Variants in SND1 observed in about 807,000 individuals in gnomAD.
SND1 encodes the protein staphylococcal nuclease and tudor domain containing 1.
A neutral mutation model predicts 121.7 loss-of-function variants in SND1; 38 were observed. The ratio of observed to expected loss-of-function variants is 0.31; its 90% CI spans 0.24 to 0.41. The LOEUF (loss-of-function observed/expected upper bound fraction) is 0.41, where lower values mean the gene tolerates loss of function less well. Among genes scored for constraint, SND1 ranks in the 10% least tolerant of loss-of-function variants. The pLI, the probability that SND1 is intolerant of heterozygous loss-of-function variation, is 1.00. For missense variants in SND1, 868 were observed against 1,184.6 expected, an observed-to-expected ratio of 0.73 and a Z score of 3.92; for synonymous variants, 401 against 447.4, an observed-to-expected ratio of 0.90 and a Z score of 1.31.
intron 12 of SND1, among the ~76,000 whole-genome samples, chr7:127,877,901 T>C (rs956616590): frequency 6.6e-6 from 1 of 152,106 alleles, no homozygotes; most frequent in Non-Finnish European, 1.5e-5. Flanking sequence ...GGGTATGTGC[T>C]GTAGGGATTC....
At chr7:127,663,660 G>A (rs1037507207) in intron 1 of SND1, among the ~76,000 whole-genome samples, 8 of 152,344 alleles carry the variant, frequency 5.3e-5, no homozygotes, top group South Asian at 2.1e-4. Flanking sequence ...ACAGGCGTGA[G>A]CCACCACGCC....
chr7:128,048,269 T>C (rs1411702422), intron 16 of SND1, among the ~76,000 whole-genome samples: 2 of 151,766 alleles, frequency 1.3e-5, no homozygotes, highest in Non-Finnish European at 1.5e-5. Context: ...TTTTTTCTTT[T>C]TTTTTTTTTT....
chr7:127,705,456 T>C (rs1796171462), intron 8 of SND1, among the ~76,000 whole-genome samples: 1 of 152,248 alleles, frequency 6.6e-6, no homozygotes, highest in Non-Finnish European at 1.5e-5. Context: ...TGAGACGTTA[T>C]TGGTGTGTTT....
intron 10 of SND1, among the ~76,000 whole-genome samples, chr7:127,748,160 T>TG (rs1474223615): frequency 6.6e-6 from 1 of 152,242 alleles, no homozygotes; most frequent in African/African-American, 2.4e-5. Flanking sequence ...AATCATTCCA[T>TG]GTTGTCTCCA....
At chr7:127,780,989 A>G (rs1396835820) in intron 10 of SND1, among the ~76,000 whole-genome samples, 1 of 152,192 alleles carries the variant, frequency 6.6e-6, no homozygotes, top group Non-Finnish European at 1.5e-5. Flanking sequence ...ACACTGTAAT[A>G]TTGCCTAGTC....
In SND1 at chr7:127,850,293, C is replaced by CT. The variant is rs1007726960; in HGVS notation, c.1343+5870dup. 5.8e-4 allele frequency among the ~76,000 whole-genome samples: 88 copies of CT among 152,280 alleles called. 1 individual carries two copies. The highest frequency in any genetic ancestry group is 1.9e-3 in the African/African-American group (77 of 41,570). On this transcript the variant is annotated intron_variant, in intron 12 of 23. Coordinates refer to ENST00000354725, the MANE Select transcript of SND1 (RefSeq NM_014390.4). ...TTTCACTGTCAGCCAAACCTCCTAT[C>CT]TCTCAGAGTTTTCAATTCTTAAAAC... is the stretch of plus-strand genomic sequence containing the variant.
At chr7:127,729,439 CTTT>C (rs10712716) in intron 10 of SND1, among the ~76,000 whole-genome samples, 17 of 97,314 alleles carry the variant, frequency 1.7e-4, no homozygotes, top group Admixed American at 4.3e-4. Flanking sequence ...AGATAAATTA[CTTT>C]TTTTTTTTTT....
intron 15 of SND1, among the ~76,000 whole-genome samples, chr7:127,939,124 G>A (rs1393580339): frequency 1.3e-5 from 2 of 152,202 alleles, no homozygotes; most frequent in Non-Finnish European, 2.9e-5. Context: ...CAAAAAGGCT[G>A]TTTCAAAACT....
intron 14 of SND1, among the ~76,000 whole-genome samples, chr7:127,926,781 C>T (rs951780670): frequency 4.0e-5 from 6 of 149,562 alleles, no homozygotes; most frequent in South Asian, 2.1e-4. Context: ...TTAGTAGAGA[C>T]GGGGTTTCAC....
At chr7:127,925,485 A>ATTTG (rs1179456690) in intron 14 of SND1, among the ~76,000 whole-genome samples, 4 of 152,204 alleles carry the variant, frequency 2.6e-5, no homozygotes, top group Admixed American at 6.5e-5. Flanking sequence ...GCATATAGAT[A>ATTTG]CATAAGCAGA....
At chr7:127,855,323 G>T (rs1413824331) in intron 12 of SND1, among the ~76,000 whole-genome samples, 1 of 152,024 alleles carries the variant, frequency 6.6e-6, no homozygotes, top group Non-Finnish European at 1.5e-5. Context: ...TGTTGCTCAG[G>T]CTGGTCTCGA....
intron 11 of SND1, among the ~76,000 whole-genome samples, chr7:127,838,482 A>C (rs1334126213): frequency 6.6e-6 from 1 of 152,252 alleles, no homozygotes; most frequent in African/African-American, 2.4e-5. Context: ...GTAAGGCAAG[A>C]AGTATCCTGC....
chr7:127,870,576 G>C (rs1799566599), intron 12 of SND1, among the ~76,000 whole-genome samples: 1 of 152,056 alleles, frequency 6.6e-6, no homozygotes, highest in African/African-American at 2.4e-5. Flanking sequence ...GAATACTATA[G>C]GCAGTTATAT....
chr7:127,709,723 C>G (rs1292482938), intron 9 of SND1, among the ~76,000 whole-genome samples: 1 of 151,928 alleles, frequency 6.6e-6, no homozygotes, highest in Non-Finnish European at 1.5e-5. Context: ...ATTACAGTGC[C>G]AAAGTAGAGG....
intron 15 of SND1, among the ~76,000 whole-genome samples, chr7:127,980,091 TTTTA>T (rs1169431140): frequency 1.4e-5 from 2 of 140,870 alleles, no homozygotes; most frequent in Non-Finnish European, 3.0e-5. Flanking sequence ...CTTTATTTTA[TTTTA>T]TTTTATTCTT....
At chr7:127,939,581 C>T (rs1801145895) in intron 15 of SND1, among the ~76,000 whole-genome samples, 1 of 152,074 alleles carries the variant, frequency 6.6e-6, no homozygotes, top group African/African-American at 2.4e-5. Context: ...ATGCTGGTGA[C>T]CTGGAGGTGA....
chr7:127,691,306 G>T (rs1207875839), intron 2 of SND1, among the ~76,000 whole-genome samples: 1 of 152,122 alleles, frequency 6.6e-6, no homozygotes, highest in Non-Finnish European at 1.5e-5. Context: ...ACTTTGGGAG[G>T]CCGAGGCGGG....
intron 1 of SND1, among the ~76,000 whole-genome samples, chr7:127,656,221 A>AT (rs1795206786): frequency 6.6e-6 from 1 of 152,016 alleles, no homozygotes; most frequent in Non-Finnish European, 1.5e-5. Context: ...CTTAGTGGTG[A>AT]TTCCTTCAGT....
rs181196335 is a variant in SND1, at chr7:127,694,007, G to A, written c.229-821G>A. ...GAGACTCTGCTTCTACTGTGTGGAT[G>A]TGTAGCTCAGTCCTCGTGTCTGTGC... On this transcript the variant is annotated intron_variant, in intron 2 of 23. Coordinates refer to ENST00000354725, the MANE Select transcript of SND1 (RefSeq NM_014390.4). 2.0e-5 allele frequency among the ~76,000 whole-genome samples: 3 copies of A among 152,274 alleles called. No homozygotes were observed. In the East Asian group the frequency reaches 5.8e-4, roughly 29 times the overall value.
Sources: gnomAD v4.1 joint callset for allele counts (sites outside exome capture counted in the v4.1 genomes callset) on GRCh38, gnomAD v4.1.1 for gene constraint, MANE v1.5 for transcripts, NCBI Gene and HGNC (gene_info 2026-07-23, HGNC 2026-07-21) for gene names.